The following FSTL4 variants were observed in gnomAD, a reference collection of about 807,000 sequenced individuals.
The protein encoded by FSTL4 is follistatin like 4, also known as follistatin-related protein 4.
In FSTL4, 28 loss-of-function variants were observed where a neutral mutation model predicts 78.2. That is an observed-to-expected ratio of 0.36 (90% CI 0.27 to 0.49). The LOEUF (loss-of-function observed/expected upper bound fraction) is 0.49, where lower values mean the gene tolerates loss of function less well. Among genes scored for constraint, FSTL4 ranks in the 20% least tolerant of loss-of-function variants. The pLI is 0.98. For missense variants in FSTL4, 922 were observed against 1,084.9 expected (o/e 0.85, Z 2.11); for synonymous variants, 422 against 440.5 (o/e 0.96, Z 0.53).
intron 3 of FSTL4, among the ~76,000 whole-genome samples, chr5:133,547,902 C>T (rs112781161): frequency 0.012 from 1,865 of 152,228 alleles, 40 homozygotes; most frequent in African/African-American, 0.043. Context: ...GATTACATGG[C>T]CAATCATTAA....
the FSTL4 span, among the ~76,000 whole-genome samples, chr5:133,788,682 G>T: frequency 6.6e-6 from 1 of 152,226 alleles, no homozygotes; most frequent in Non-Finnish European, 1.5e-5. Flanking sequence ...CATGCTCATT[G>T]TTCTTGTGTG....
At chr5:133,347,333 C>T (rs1754718864) in intron 4 of FSTL4, among the ~76,000 whole-genome samples, 1 of 152,162 alleles carries the variant, frequency 6.6e-6, no homozygotes, top group Non-Finnish European at 1.5e-5. Context: ...CCACCCAATC[C>T]TCTTGACTTC....
chr5:133,225,831 A>G lies in FSTL4; in HGVS notation c.1016-12T>C, dbSNP rs1467143885. 2.6e-6 allele frequency: 4 copies of G among 1,548,854 alleles called. No individual in the cohort carries two copies. The highest frequency in any genetic ancestry group is 3.5e-6 in the Non-Finnish European group (4 of 1,149,300). On this transcript the variant is annotated splice_polypyrimidine_tract_variant and intron_variant, in intron 8 of 15. Coordinates refer to ENST00000265342, the MANE Select transcript of FSTL4 (RefSeq NM_015082.2). The surrounding 1 kb of genome is among the most constrained non-coding windows in gnomAD (Gnocchi z 4.6). ...GATGACTGGCGGCACTGTGGGTGAG[A>G]GTCAGTGCTGGTGAGAAAGAGACGG...
chr5:133,698,961 G>A, the FSTL4 span, among the ~76,000 whole-genome samples: 1 of 152,178 alleles, frequency 6.6e-6, no homozygotes, highest in African/African-American at 2.4e-5. Context: ...GCCACAGTAT[G>A]AACTGCTCTG....
At chr5:133,796,586 C>T in the FSTL4 span, among the ~76,000 whole-genome samples, 1 of 152,114 alleles carries the variant, frequency 6.6e-6, no homozygotes, top group Admixed American at 6.5e-5. Flanking sequence ...AGCCAAATCC[C>T]TCTCCGACCA....
At chr5:133,306,328 G>A (rs1456903352) in intron 6 of FSTL4, among the ~76,000 whole-genome samples, 1 of 152,212 alleles carries the variant, frequency 6.6e-6, no homozygotes, top group Non-Finnish European at 1.5e-5. Context: ...CTCTGCATAC[G>A]TGGCTGCCGG....
intron 2 of FSTL4, among the ~76,000 whole-genome samples, chr5:133,581,412 T>A (rs1402609978): frequency 5.9e-5 from 9 of 152,194 alleles, no homozygotes; most frequent in Non-Finnish European, 1.2e-4. Context: ...CCTATAAGAT[T>A]GTCGTGAGAA....
At chr5:133,526,723 G>A (rs1759108746) in intron 3 of FSTL4, among the ~76,000 whole-genome samples, 1 of 152,104 alleles carries the variant, frequency 6.6e-6, no homozygotes, top group Non-Finnish European at 1.5e-5. Context: ...GCAGGGAGCT[G>A]GGGATGAGGA....
intron 3 of FSTL4, among the ~76,000 whole-genome samples, chr5:133,538,597 T>C (rs1759403214): frequency 6.6e-6 from 1 of 152,194 alleles, no homozygotes; most frequent in South Asian, 2.1e-4. Context: ...ATATTTCTTA[T>C]CTGGCATTCT....
At chr5:133,396,118 T>C (rs1756036732) in intron 4 of FSTL4, among the ~76,000 whole-genome samples, 2 of 152,200 alleles carry the variant, frequency 1.3e-5, no homozygotes, top group African/African-American at 4.8e-5. Flanking sequence ...CCACCACCCC[T>C]GACCTCTTAG....
chr5:133,403,489 C>T (rs938990451), intron 3 of FSTL4, among the ~76,000 whole-genome samples: 18 of 152,192 alleles, frequency 1.2e-4, no homozygotes, highest in African/African-American at 2.4e-5. Context: ...CCTCGTGTGG[C>T]CCCAGTATAC....
At chr5:133,593,050 C>T (rs552596378) in intron 2 of FSTL4, among the ~76,000 whole-genome samples, 6 of 152,158 alleles carry the variant, frequency 3.9e-5, no homozygotes, top group East Asian at 3.9e-4. Context: ...TTTTGGCCAC[C>T]GGGGTGGTAG....
chr5:133,622,662 A>C, the FSTL4 span, among the ~76,000 whole-genome samples: 1 of 152,076 alleles, frequency 6.6e-6, no homozygotes, highest in Non-Finnish European at 1.5e-5. Context: ...ACATTTCTCT[A>C]ATGGCTCATG....
the FSTL4 span, among the ~76,000 whole-genome samples, chr5:133,652,923 G>A: frequency 2.0e-5 from 3 of 152,038 alleles, no homozygotes; most frequent in Non-Finnish European, 4.4e-5. Flanking sequence ...CCATCTCTTG[G>A]GGGTTTAATT....
chr5:133,717,197 A>G, the FSTL4 span, among the ~76,000 whole-genome samples: 18 of 152,222 alleles, frequency 1.2e-4, no homozygotes, highest in Admixed American at 9.8e-4. Flanking sequence ...TTAAAATTCC[A>G]ACAGTTGAGT....
intron 2 of FSTL4, among the ~76,000 whole-genome samples, chr5:133,579,203 C>T (rs1010956802): frequency 6.6e-6 from 1 of 152,230 alleles, no homozygotes; most frequent in African/African-American, 2.4e-5. Context: ...TCATGTCTTA[C>T]TGCAGCACAG....
chr5:133,409,102 C>T (rs1019136149), intron 3 of FSTL4, among the ~76,000 whole-genome samples: 7 of 152,160 alleles, frequency 4.6e-5, no homozygotes, highest in African/African-American at 1.2e-4. Flanking sequence ...ATTTCCCTTG[C>T]GCCAGGGCTT....
chr5:133,605,579 G>C (rs1760959717), intron 1 of FSTL4, among the ~76,000 whole-genome samples: 1 of 152,142 alleles, frequency 6.6e-6, no homozygotes. Context: ...CATCCAAATA[G>C]AGCTGCCTCT....
chr5:133,642,646 A>G, the FSTL4 span, among the ~76,000 whole-genome samples: 22 of 152,216 alleles, frequency 1.4e-4, no homozygotes, highest in Admixed American at 3.3e-4. Flanking sequence ...TGCAGGGTGG[A>G]ACTGCCAGCC....
Sources: gnomAD v4.1 joint callset for allele counts (sites outside exome capture counted in the v4.1 genomes callset) on GRCh38, gnomAD v4.1.1 for gene constraint, Gnocchi (gnomAD v3.1) non-coding constraint, MANE v1.5 for transcripts, NCBI Gene and HGNC (gene_info 2026-07-23, HGNC 2026-07-21) for gene names.